Variants in CDC42SE2 observed in about 807,000 individuals in gnomAD.
CDC42SE2 encodes CDC42 small effector protein 2.
Under a neutral mutation model 11.5 loss-of-function variants are expected in CDC42SE2, and 3 were observed. The observed-to-expected ratio is 0.26, with a 90% CI of 0.12 to 0.67. CDC42SE2 has a LOEUF of 0.67. CDC42SE2 is among the 30% of genes least tolerant of loss of function. CDC42SE2 has a pLI of 0.80. For synonymous variants in CDC42SE2, 33 were observed against 34.8 expected (o/e 0.95, Z 0.18); for missense variants, 82 against 106.8 (o/e 0.77, Z 1.02).
rs555106169 is a variant in CDC42SE2 at position 131,304,584 on chromosome 5, A to T, written c.-454-11392A>T. 2.0e-3 allele frequency among the ~76,000 whole-genome samples: 304 copies of T among 152,328 alleles called. 1 individual carries two copies. Among genetic ancestry groups the T allele is most frequent in the Non-Finnish European group, 3.4e-3 (228 of 68,034 alleles). The stretch of plus-strand genomic sequence containing the variant: ...AGTATTTTAAATCTAATTTCTACCA[A>T]ATTTAATGGAGGACTGAGGTACTCT... On this transcript the variant is annotated intron_variant, in intron 1 of 4. Coordinates refer to ENST00000505065, the MANE Select transcript of CDC42SE2 (RefSeq NM_001375635.1).
chr5:131,259,385 T>C (rs932287048), upstream of CDC42SE2, among the ~76,000 whole-genome samples: 2 of 151,990 alleles, frequency 1.3e-5, no homozygotes, highest in African/African-American at 2.4e-5. Context: ...AATACTAAAT[T>C]CCAAAAGTAA....
At chr5:131,238,426 C>T in the CDC42SE2 span, among the ~76,000 whole-genome samples, 1 of 151,046 alleles carries the variant, frequency 6.6e-6, no homozygotes, top group South Asian at 2.1e-4. Flanking sequence ...TGGTGTGAAC[C>T]CGGGAGGCAG....
chr5:131,295,498 G>A (rs971745572), intron 1 of CDC42SE2, among the ~76,000 whole-genome samples: 19 of 151,984 alleles, frequency 1.3e-4, no homozygotes, highest in African/African-American at 3.9e-4. Flanking sequence ...CATGTGAAGT[G>A]GTTAACAAAA....
chr5:131,344,528 C>T (rs897310382), intron 2 of CDC42SE2, among the ~76,000 whole-genome samples: 3 of 152,238 alleles, frequency 2.0e-5, no homozygotes, highest in Non-Finnish European at 4.4e-5. Context: ...GAGCCCACCA[C>T]AGCTCAAGGA....
At position 131,393,746 on chromosome 5, in the gene CDC42SE2, C is replaced by T. The variant is rs149403329; in HGVS notation, c.*2655C>T. The T allele has an allele frequency of 6.6e-6, 1 of 152,124 alleles. No homozygotes were observed. Among genetic ancestry groups the T allele is most frequent in the East Asian group, 1.9e-4 (1 of 5,312 alleles). 9.4% of individuals were successfully genotyped at this position (152,124 alleles called of 1,614,324 possible). On this transcript the variant is annotated 3_prime_UTR_variant, in exon 5 of 5. Coordinates refer to ENST00000505065, the MANE Select transcript of CDC42SE2 (RefSeq NM_001375635.1). ...CAATTTTTCTACTTGTCATATAACT[C>T]CTGGAACAATAGTACGGGAAGCCGT... is the stretch of plus-strand genomic sequence containing the variant.
At chr5:131,278,058 A>G (rs1757140244) in intron 1 of CDC42SE2, among the ~76,000 whole-genome samples, 1 of 152,104 alleles carries the variant, frequency 6.6e-6, no homozygotes, top group Non-Finnish European at 1.5e-5. Flanking sequence ...CAGTGGCATG[A>G]TCAGGACTCA....
chr5:131,353,801 A>T (rs1749448963), intron 2 of CDC42SE2, among the ~76,000 whole-genome samples: 2 of 152,202 alleles, frequency 1.3e-5, no homozygotes, highest in African/African-American at 4.8e-5. Context: ...CACAGCATGT[A>T]CTCAGGAGGC....
the CDC42SE2 span, among the ~76,000 whole-genome samples, chr5:131,215,776 C>G: frequency 6.6e-6 from 1 of 152,144 alleles, no homozygotes; most frequent in Non-Finnish European, 1.5e-5. Context: ...GTTTGGCAAC[C>G]AAGATGTTCA....
chr5:131,321,830 C>G lies in CDC42SE2; in HGVS notation c.-286+5686C>G, dbSNP rs181746037. Among the ~76,000 whole-genome samples, 59 of 152,142 alleles carry G rather than the reference C, an allele frequency of 3.9e-4. 1 individual carries two copies. The highest frequency in any genetic ancestry group is 1.4e-3 in the African/African-American group (58 of 41,528). On this transcript the variant is annotated intron_variant, in intron 2 of 4. Transcript: ENST00000505065. Reference sequence around the variant, plus strand: ...CTCCAAGGGTGAGGTCACCCCCAATCTACATTAGAAATGTTTTTTTTGTTT... The same window carrying G: ...CTCCAAGGGTGAGGTCACCCCCAATGTACATTAGAAATGTTTTTTTTGTTT...
intron 1 of CDC42SE2, among the ~76,000 whole-genome samples, chr5:131,274,303 C>T (rs1757056529): frequency 6.6e-6 from 1 of 152,196 alleles, no homozygotes; most frequent in Non-Finnish European, 1.5e-5. Flanking sequence ...CTCCATCTTT[C>T]AGTTTCTTTG....
At chr5:131,211,472 G>T in the CDC42SE2 span, among the ~76,000 whole-genome samples, 45,822 of 152,012 alleles carry the variant, frequency 0.3, 7,924 homozygotes, top group African/African-American at 0.48. Context: ...AACCTATCAA[G>T]TACTACATGG....
chr5:131,352,606 G>A (rs1192270068), intron 2 of CDC42SE2, among the ~76,000 whole-genome samples: 1 of 151,998 alleles, frequency 6.6e-6, no homozygotes, highest in Non-Finnish European at 1.5e-5. Flanking sequence ...TTTGGACTTC[G>A]ATTAACCACA....
Position 131,269,478 on chromosome 5 carries a change from A to G in CDC42SE2, c.-455+5312A>G, listed in dbSNP as rs571264219. Among the ~76,000 whole-genome samples, 4 of 152,280 alleles carry G rather than the reference A, an allele frequency of 2.6e-5. No homozygotes were observed. In the South Asian group the frequency reaches 8.3e-4, roughly 32 times the overall value. ...ATTTTTTTATCTTGTACTAAAACAT[A>G]AAATTATTGGCCGGGCGTGGTGGCT... On this transcript the variant is annotated intron_variant, in intron 1 of 4. Transcript: ENST00000505065.
At chr5:131,236,210 T>A in the CDC42SE2 span, among the ~76,000 whole-genome samples, 1 of 152,200 alleles carries the variant, frequency 6.6e-6, no homozygotes, top group African/African-American at 2.4e-5. Context: ...TTTTGCATAA[T>A]TTGATGTGTA....
At chr5:131,343,300 T>G (rs1240670244) in intron 2 of CDC42SE2, among the ~76,000 whole-genome samples, 1 of 152,172 alleles carries the variant, frequency 6.6e-6, no homozygotes, top group African/African-American at 2.4e-5. Context: ...GAAGTCAGAA[T>G]GAAAATACAC....
chr5:131,245,205 T>C (rs1756571070), upstream of CDC42SE2, among the ~76,000 whole-genome samples: 1 of 152,226 alleles, frequency 6.6e-6, no homozygotes, highest in African/African-American at 2.4e-5. Context: ...ATACCAGCTC[T>C]TACAAGTGGT....
intron 2 of CDC42SE2, among the ~76,000 whole-genome samples, chr5:131,351,675 AACT>A (rs988512329): frequency 1.2e-4 from 18 of 152,234 alleles, no homozygotes; most frequent in Admixed American, 6.5e-4. Flanking sequence ...TACTGTCAAA[AACT>A]AAAATTTAAT....
upstream of CDC42SE2, among the ~76,000 whole-genome samples, chr5:131,242,639 C>T (rs1446242387): frequency 2.0e-5 from 3 of 152,106 alleles, no homozygotes; most frequent in African/African-American, 7.2e-5. Context: ...ACCACCTATA[C>T]GACAGGAGCT....
chr5:131,357,984 AT>A (rs1380725616), intron 2 of CDC42SE2, among the ~76,000 whole-genome samples: 2 of 152,202 alleles, frequency 1.3e-5, no homozygotes, highest in Non-Finnish European at 2.9e-5. Context: ...GTGACACCAC[AT>A]TTAACGGATT....
Sources: gnomAD v4.1 joint callset for allele counts (sites outside exome capture counted in the v4.1 genomes callset) on GRCh38, gnomAD v4.1.1 for gene constraint, MANE v1.5 for transcripts, NCBI Gene and HGNC (gene_info 2026-07-23, HGNC 2026-07-21) for gene names.